Variants in DAB1 observed in about 807,000 individuals in gnomAD.
DAB1 encodes the protein disabled homolog 1.
Under a neutral mutation model 64.6 loss-of-function variants are expected in DAB1, and 15 were observed. The observed-to-expected ratio is 0.23, with a 90% CI of 0.16 to 0.36. The LOEUF is 0.36. Among genes scored for constraint, DAB1 ranks in the 10% least tolerant of loss-of-function variants. DAB1 has a pLI of 1.00. For missense variants in DAB1, 596 were observed against 706.7 expected, an observed-to-expected ratio of 0.84 and a Z score of 1.78; for synonymous variants, 235 against 251.9, an observed-to-expected ratio of 0.93 and a Z score of 0.64.
intron 2 of DAB1, among the ~76,000 whole-genome samples, chr1:57,253,077 T>A (rs1000499530): frequency 6.6e-6 from 1 of 152,136 alleles, no homozygotes; most frequent in Non-Finnish European, 1.5e-5. Flanking sequence ...GAGGAGTGAG[T>A]CATCTGATCC....
At chr1:57,981,112 A>C (rs1368424590) in intron 5 of DAB1, among the ~76,000 whole-genome samples, 1 of 152,094 alleles carries the variant, frequency 6.6e-6, no homozygotes, top group Non-Finnish European at 1.5e-5. Flanking sequence ...TCTACTTTAT[A>C]ATACTTATAT....
chr1:57,263,310 G>T (rs1670338047), intron 2 of DAB1, among the ~76,000 whole-genome samples: 1 of 151,896 alleles, frequency 6.6e-6, no homozygotes, highest in Non-Finnish European at 1.5e-5. Flanking sequence ...AGTAGAGATG[G>T]GGTTTTACCA....
chr1:57,833,328 C>T (rs2101906724), intron 1 of DAB1, among the ~76,000 whole-genome samples: 1 of 152,252 alleles, frequency 6.6e-6, no homozygotes, highest in African/African-American at 2.4e-5. Flanking sequence ...TTTACATGAA[C>T]ATTAACTGTT....
intron 4 of DAB1, among the ~76,000 whole-genome samples, chr1:57,080,162 C>T (rs1251961129): frequency 2.6e-5 from 4 of 152,178 alleles, no homozygotes; most frequent in Non-Finnish European, 5.9e-5. Context: ...CTATCACTGC[C>T]ATTTATCTCC....
intron 1 of DAB1, among the ~76,000 whole-genome samples, chr1:57,345,046 A>G (rs1326245536): frequency 6.6e-6 from 1 of 152,194 alleles, no homozygotes; most frequent in African/African-American, 2.4e-5. Context: ...ATGCTCCTGG[A>G]CCATCTGTAT....
chr1:57,249,343 C>A (rs949721838), intron 2 of DAB1, among the ~76,000 whole-genome samples: 2 of 152,058 alleles, frequency 1.3e-5, no homozygotes, highest in Admixed American at 1.3e-4. Context: ...ATAAAGCGAT[C>A]AATCATTTTT....
chr1:57,743,112 G>A (rs1648081322), intron 6 of DAB1, among the ~76,000 whole-genome samples: 1 of 152,144 alleles, frequency 6.6e-6, no homozygotes, highest in South Asian at 2.1e-4. Context: ...AGCAGCAAGG[G>A]TGTCATTCAG....
At chr1:57,163,083 G>A (rs1003911369) in intron 2 of DAB1, among the ~76,000 whole-genome samples, 5 of 152,152 alleles carry the variant, frequency 3.3e-5, no homozygotes, top group African/African-American at 1.2e-4. Flanking sequence ...TGCCCACTAC[G>A]TGCCAAGCAC....
At chr1:57,422,284 G>A (rs1684975112) in intron 1 of DAB1, among the ~76,000 whole-genome samples, 1 of 152,222 alleles carries the variant, frequency 6.6e-6, no homozygotes, top group South Asian at 2.1e-4. Flanking sequence ...GCAGGAAGGA[G>A]GAAGAAACGA....
chr1:57,551,572 T>C (rs1207125878), intron 7 of DAB1, among the ~76,000 whole-genome samples: 7 of 152,114 alleles, frequency 4.6e-5, no homozygotes, highest in African/African-American at 1.7e-4. Context: ...CCTCTCATAG[T>C]GTGAGGATGG....
intron 4 of DAB1, among the ~76,000 whole-genome samples, chr1:57,097,775 TTTATTTA>T (rs1372658053): frequency 6.6e-5 from 10 of 151,382 alleles, no homozygotes; most frequent in African/African-American, 2.4e-4. Flanking sequence ...TATTTATTTA[TTTATTTA>T]TTTATTTATT....
intron 7 of DAB1, among the ~76,000 whole-genome samples, chr1:57,532,922 C>A (rs1473100179): frequency 6.6e-6 from 1 of 151,978 alleles, no homozygotes; most frequent in East Asian, 1.9e-4. Flanking sequence ...TTTAATAACC[C>A]CTAGTAACAC....
At chr1:58,243,744 T>C (rs1473621133) in intron 4 of DAB1, among the ~76,000 whole-genome samples, 1 of 152,186 alleles carries the variant, frequency 6.6e-6, no homozygotes, top group African/African-American at 2.4e-5. Flanking sequence ...ATCACAACTT[T>C]ACTATTCTGA....
intron 3 of DAB1, among the ~76,000 whole-genome samples, chr1:58,387,425 G>C (rs535418795): frequency 6.6e-6 from 1 of 152,336 alleles, no homozygotes; most frequent in African/African-American, 2.4e-5. Flanking sequence ...GGGTATAGGA[G>C]TGAGTGATTT....
At chr1:57,950,425 T>C (rs548863926) in intron 5 of DAB1, among the ~76,000 whole-genome samples, 15 of 152,304 alleles carry the variant, frequency 9.8e-5, no homozygotes, top group African/African-American at 3.4e-4. Context: ...CTTTGATCAC[T>C]AGCACTGCTT....
At chr1:57,716,418 A>G (rs765734445) in intron 6 of DAB1, among the ~76,000 whole-genome samples, 14 of 152,190 alleles carry the variant, frequency 9.2e-5, no homozygotes, top group Admixed American at 5.2e-4. Context: ...AGTGTACAGA[A>G]CCCAGAAATA....
chr1:57,786,967 A>G (rs1302042965), intron 6 of DAB1, among the ~76,000 whole-genome samples: 2 of 152,160 alleles, frequency 1.3e-5, no homozygotes, highest in Non-Finnish European at 2.9e-5. Context: ...AAACGATGCA[A>G]ATTTTTATGC....
intron 5 of DAB1, among the ~76,000 whole-genome samples, chr1:57,979,683 T>C (rs1483587396): frequency 1.3e-5 from 2 of 152,248 alleles, no homozygotes; most frequent in Admixed American, 1.3e-4. Context: ...TGGCTTTGAA[T>C]TGCAGCATTA....
intron 4 of DAB1, among the ~76,000 whole-genome samples, chr1:57,100,766 G>C (rs981139150): frequency 6.8e-6 from 1 of 147,232 alleles, no homozygotes; most frequent in African/African-American, 2.5e-5. Context: ...GGGTGGGGGT[G>C]GGGGTGGGGG....
Sources: allele counts gnomAD v4.1 joint callset (sites outside exome capture counted in the v4.1 genomes callset), GRCh38; gene constraint gnomAD v4.1.1; transcripts MANE v1.5; gene names NCBI Gene and HGNC (gene_info 2026-07-23, HGNC 2026-07-21).